Variants in PGM5 observed in about 807,000 individuals in gnomAD.
PGM5 encodes phosphoglucomutase-like protein 5.
Under a neutral mutation model 59.2 loss-of-function variants are expected in PGM5, and 23 were observed. The observed-to-expected ratio is 0.39, with a 90% CI of 0.28 to 0.55. The LOEUF is 0.55. PGM5 is among the 20% of genes least tolerant of loss of function. The pLI is 0.66. For missense variants in PGM5, 574 were observed against 748.3 expected, an observed-to-expected ratio of 0.77 and a Z score of 2.72; for synonymous variants, 214 against 286.0, an observed-to-expected ratio of 0.75 and a Z score of 2.54.
Position 68,416,305 on chromosome 9 carries a change from G to T in PGM5, c.1043+23832G>T, listed in dbSNP as rs4104116. 9.2e-5 allele frequency among the ~76,000 whole-genome samples: 14 copies of T among 151,456 alleles called. No homozygotes were observed. In the South Asian group the frequency reaches 1.3e-3, roughly 14 times the overall value. On this transcript the variant is annotated intron_variant, in intron 6 of 10. Coordinates refer to ENST00000396396, the MANE Select transcript of PGM5 (RefSeq NM_021965.4). ...CCGGCAGTAGTGCATGATGATGTTG[G>T]TGTATAAATACGTCAGCTCCTTTAA...
chr9:68,448,074 G>T (rs546696595), intron 6 of PGM5, among the ~76,000 whole-genome samples: 1 of 152,250 alleles, frequency 6.6e-6, no homozygotes, highest in South Asian at 2.1e-4. Flanking sequence ...GAGGAAAAGG[G>T]GCTTTGAGGG....
At chr9:68,381,509 A>G (rs1439610186) in intron 2 of PGM5, among the ~76,000 whole-genome samples, 4 of 151,926 alleles carry the variant, frequency 2.6e-5, no homozygotes, top group African/African-American at 9.7e-5. Context: ...ATAGTTTTGG[A>G]AGTACTAGCA....
intron 7 of PGM5, among the ~76,000 whole-genome samples, chr9:68,469,784 G>A (rs1326974736): frequency 6.6e-6 from 1 of 152,238 alleles, no homozygotes; most frequent in African/African-American, 2.4e-5. Context: ...GGATGAATGG[G>A]AGAAGGGAAG....
chr9:68,492,245 AG>A (rs1289202619), intron 9 of PGM5, among the ~76,000 whole-genome samples: 2 of 152,216 alleles, frequency 1.3e-5, no homozygotes, highest in Non-Finnish European at 2.9e-5. Context: ...TTGTGTGAAC[AG>A]GGATCAGCAG....
chr9:68,434,316 C>CAAAAAAAAAAA (rs71353054), intron 6 of PGM5, among the ~76,000 whole-genome samples: 43 of 90,804 alleles, frequency 4.7e-4, no homozygotes, highest in East Asian at 1.1e-3. Flanking sequence ...GACTCCGTCT[C>CAAAAAAAAAAA]AAAAAAAAAA....
At chr9:68,518,753 A>G (rs1824857437) in intron 10 of PGM5, among the ~76,000 whole-genome samples, 1 of 152,252 alleles carries the variant, frequency 6.6e-6, no homozygotes, top group Non-Finnish European at 1.5e-5. Context: ...TGGAAGATGA[A>G]AGATCATATT....
intron 10 of PGM5, among the ~76,000 whole-genome samples, chr9:68,511,257 G>T (rs1202804741): frequency 6.6e-6 from 1 of 152,184 alleles, no homozygotes; most frequent in Non-Finnish European, 1.5e-5. Flanking sequence ...ATCAGGGTCA[G>T]GTTGGAATTT....
Position 68,409,095 on chromosome 9 carries a change from A to T in PGM5, c.1043+16622A>T, listed in dbSNP as rs542662198. 3.1e-4 allele frequency among the ~76,000 whole-genome samples: 44 copies of T among 139,842 alleles called. No individual in the cohort carries two copies. The East Asian group carries it at 7.6e-3, about 24-fold the overall frequency. 91.7% of individuals were successfully genotyped at this position (139,842 alleles called of 152,430 possible). A position where few individuals can be genotyped will look rare whatever the true frequency, so the allele number is the denominator to read the frequency against. On this transcript the variant is annotated intron_variant, in intron 6 of 10. Coordinates refer to ENST00000396396, the MANE Select transcript of PGM5 (RefSeq NM_021965.4). ...GTTCCATATGAACTTTAAAGTAGAC[A>T]TTTATGCAGCCAAAAAACACATGAA... is the stretch of plus-strand genomic sequence containing the variant.
chr9:68,495,031 G>T (rs910123571), intron 9 of PGM5, among the ~76,000 whole-genome samples: 11 of 152,280 alleles, frequency 7.2e-5, no homozygotes, highest in Admixed American at 4.6e-4. Context: ...AGTGTGCCAG[G>T]CATTGTCCTA....
intron 6 of PGM5, among the ~76,000 whole-genome samples, chr9:68,420,294 G>T (rs1823106207): frequency 6.6e-6 from 1 of 152,098 alleles, no homozygotes; most frequent in Non-Finnish European, 1.5e-5. Context: ...TCAGAAGTAG[G>T]TCACATCTGA....
At chr9:68,466,096 T>G in intron 7 of PGM5, 1 of 1,263,508 alleles carries the variant, frequency 7.9e-7, no homozygotes, top group Non-Finnish European at 1.0e-6. Flanking sequence ...TAATTTGTGA[T>G]GACAAATGAG....
rs1419989284 is a variant in PGM5 at position 68,437,046 on chromosome 9, G to A, written c.1044-28047G>A. Among the ~76,000 whole-genome samples, 2 of 152,160 alleles carry A rather than the reference G, an allele frequency of 1.3e-5. No individual in the cohort carries two copies. The highest frequency in any genetic ancestry group is 1.9e-4 in the East Asian group (1 of 5,200). On this transcript the variant is annotated intron_variant, in intron 6 of 10. Transcript: ENST00000396396. The surrounding 1 kb of genome is among the most constrained non-coding windows in gnomAD (Gnocchi z 4.1). The stretch of plus-strand genomic sequence containing the variant: ...GTATTTATGCATAGCTAACTCCTGA[G>A]TTTCCATTATTGATAATAATTAAGA...
At chr9:68,461,257 T>C (rs1456995556) in intron 6 of PGM5, among the ~76,000 whole-genome samples, 1 of 151,862 alleles carries the variant, frequency 6.6e-6, no homozygotes, top group African/African-American at 2.4e-5. Flanking sequence ...AGAAAGAACA[T>C]GGAAAATGGA....
chr9:68,465,758 A>G (rs781949081), intron 7 of PGM5, among the ~76,000 whole-genome samples: 49 of 152,176 alleles, frequency 3.2e-4, no homozygotes, highest in Non-Finnish European at 6.2e-4. Flanking sequence ...TCTGGCTTGC[A>G]TCATGTCCAA....
chr9:68,436,635 G>A (rs76106823), intron 6 of PGM5, among the ~76,000 whole-genome samples: 1,867 of 152,292 alleles, frequency 0.012, 41 homozygotes, highest in African/African-American at 0.042. Flanking sequence ...TGAAATTTCT[G>A]TGTCCTCACT....
At chr9:68,477,344 T>TAA (rs1824124311) in intron 7 of PGM5, among the ~76,000 whole-genome samples, 1 of 152,250 alleles carries the variant, frequency 6.6e-6, no homozygotes, top group Non-Finnish European at 1.5e-5. Context: ...AAAAAAAGTT[T>TAA]AACATTTAAC....
chr9:68,422,135 A>C (rs1587803828), intron 6 of PGM5, among the ~76,000 whole-genome samples: 1 of 152,228 alleles, frequency 6.6e-6, no homozygotes, highest in Non-Finnish European at 1.5e-5. Flanking sequence ...AAGAGACCTT[A>C]CTGTAATTTT....
Position 68,393,002 on chromosome 9 carries a change from G to A in PGM5, c.1043+529G>A, listed in dbSNP as rs553857999. On this transcript the variant is annotated intron_variant, in intron 6 of 10. Coordinates refer to ENST00000396396, the MANE Select transcript of PGM5 (RefSeq NM_021965.4). ...CATAGGTTTATTGTAAGAATGAAAC[G>A]AGACAGTGCATGGAAAATACCCAAC... is the stretch of plus-strand genomic sequence containing the variant. Among the ~76,000 whole-genome samples, 12 of 152,142 alleles carry A rather than the reference G, an allele frequency of 7.9e-5. 1 individual carries two copies. The South Asian group carries it at 1.9e-3, about 24-fold the overall frequency.
chr9:68,492,358 G>A lies in PGM5; in HGVS notation c.1480-6869G>A, dbSNP rs908113467. 8.5e-5 allele frequency among the ~76,000 whole-genome samples: 13 copies of A among 152,280 alleles called. No individual in the cohort carries two copies. The East Asian group carries it at 1.2e-3, about 14-fold the overall frequency. On this transcript the variant is annotated intron_variant, in intron 9 of 10. Transcript: ENST00000396396. ...GATGAGGAATAGCTTTCAAGTCTTC[G>A]CCCTCCAGCAGCCCTCTCATCACCT...
Sources: allele counts gnomAD v4.1 joint callset (sites outside exome capture counted in the v4.1 genomes callset), GRCh38; gene constraint gnomAD v4.1.1; non-coding constraint Gnocchi (gnomAD v3.1); transcripts MANE v1.5; gene names NCBI Gene and HGNC (gene_info 2026-07-23, HGNC 2026-07-21).